The following JAKMIP1 variants were observed in gnomAD, a reference collection of about 807,000 sequenced individuals.
JAKMIP1 encodes janus kinase and microtubule-interacting protein 1.
In JAKMIP1, 33 loss-of-function variants were observed where a neutral mutation model predicts 113.0. The ratio of observed to expected loss-of-function variants is 0.29; its 90% CI spans 0.22 to 0.39. The LOEUF (loss-of-function observed/expected upper bound fraction) is 0.39. Among genes scored for constraint, JAKMIP1 ranks in the 10% least tolerant of loss-of-function variants. The pLI is 1.00. For synonymous variants in JAKMIP1, 480 were observed against 459.9 expected, an observed-to-expected ratio of 1.04 and a Z score of -0.56; for missense variants, 813 against 1,080.5, an observed-to-expected ratio of 0.75 and a Z score of 3.47.
intron 8 of JAKMIP1, among the ~76,000 whole-genome samples, chr4:6,078,257 G>A: frequency 6.6e-6 from 1 of 151,436 alleles, no homozygotes; most frequent in East Asian, 1.9e-4. Flanking sequence ...GGAGTTTGCA[G>A]TGAGCCGAGA....
At chr4:6,170,081 A>T (rs561521613) in intron 1 of JAKMIP1, among the ~76,000 whole-genome samples, 397 of 3,192 alleles carry the variant, frequency 0.12, 3 homozygotes, top group African/African-American at 0.3. Context: ...TTACCACTCC[A>T]CCACCACCGC....
In JAKMIP1 at chr4:6,084,694, T is replaced by A. The variant is rs545359234; in HGVS notation, c.954+152A>T. On this transcript the variant is annotated intron_variant, in intron 5 of 20. Transcript: ENST00000409021. ...CAGTAAGAGATTTCTTCAATGAGCA[T>A]GTGTTAGATTTTTAATCGAAAAGAA... The A allele has an allele frequency of 5.8e-5, 44 of 753,078 alleles. No homozygotes were observed. In the South Asian group the frequency reaches 1.5e-3, roughly 25 times the overall value. The allele number at this position is 753,078 out of a possible 1,614,324, so 46.6% of individuals were successfully genotyped here.
At position 6,200,538 on chromosome 4, in the gene JAKMIP1, A is replaced by T. The variant is rs1728329242; in HGVS notation, c.-433T>A. The T allele has an allele frequency of 6.7e-6, 1 of 149,290 alleles. No individual in the cohort carries two copies. Among genetic ancestry groups the T allele is most frequent in the African/African-American group, 2.5e-5 (1 of 40,724 alleles). 9.2% of individuals were successfully genotyped at this position (149,290 alleles called of 1,614,324 possible). On this transcript the variant is annotated 5_prime_UTR_variant, in exon 1 of 21. Coordinates refer to ENST00000409021, the MANE Select transcript of JAKMIP1 (RefSeq NM_001099433.2). This position sits in a 1 kb window ranked among gnomAD's most constrained non-coding sequence, Gnocchi z 7.0. ...CGGGCAGGCGGCCGGCGCGTGCCGCACGCGGGTGGCTGCAGCTCCCTCGGT... is the reference window on the plus strand; with the variant it reads ...CGGGCAGGCGGCCGGCGCGTGCCGCTCGCGGGTGGCTGCAGCTCCCTCGGT...
rs369634582 is a variant in JAKMIP1, at chr4:6,065,684, G to A, written c.1303-676C>T. Among the ~76,000 whole-genome samples the A allele has an allele frequency of 1.3e-4, 20 of 152,294 alleles. No homozygotes were observed. Among genetic ancestry groups the A allele is most frequent in the East Asian group, 7.7e-4 (4 of 5,176 alleles). On this transcript the variant is annotated intron_variant, in intron 8 of 20. Coordinates refer to ENST00000409021, the MANE Select transcript of JAKMIP1 (RefSeq NM_001099433.2). The surrounding 1 kb of genome is among the most constrained non-coding windows in gnomAD (Gnocchi z 5.1). ...GGAATCATGTAATAGACCTTCACAC[G>A]ACCATCACTCAGATCCAGAGGCAAA...
In JAKMIP1 at chr4:6,156,251, C is replaced by T. The variant is rs538659625; in HGVS notation, c.-147-43254G>A. 1.3e-5 allele frequency among the ~76,000 whole-genome samples: 2 copies of T among 152,320 alleles called. No individual in the cohort carries two copies. The highest frequency in any genetic ancestry group is 2.9e-5 in the Non-Finnish European group (2 of 68,028). The stretch of plus-strand genomic sequence containing the variant: ...AGTGGCCCGCCAACACAGGAACAAG[C>T]GAATGCCACTGTATCACACTGATCC... On this transcript the variant is annotated intron_variant, in intron 1 of 20. Coordinates refer to ENST00000409021, the MANE Select transcript of JAKMIP1 (RefSeq NM_001099433.2). This position sits in a 1 kb window ranked among gnomAD's most constrained non-coding sequence, Gnocchi z 5.0.
chr4:6,194,741 AC>A lies in JAKMIP1; in HGVS notation c.-148+5511del, dbSNP rs1456243375. ...GCAGTCCCTGGCTGGTGCACACAGAACCCCTTTCATTCCTTAAAGTGGCCCT... is the reference window on the plus strand; with the variant it reads ...GCAGTCCCTGGCTGGTGCACACAGAACCCTTTCATTCCTTAAAGTGGCCCT... On this transcript the variant is annotated intron_variant, in intron 1 of 20. Coordinates refer to ENST00000409021, the MANE Select transcript of JAKMIP1 (RefSeq NM_001099433.2). The surrounding 1 kb of genome is among the most constrained non-coding windows in gnomAD (Gnocchi z 7.4). 3.9e-5 allele frequency: 6 copies of A among 152,020 alleles called. No individual in the cohort carries two copies. Among genetic ancestry groups the A allele is most frequent in the Admixed American group, 3.9e-4 (6 of 15,266 alleles). 9.4% of individuals were successfully genotyped at this position (152,020 alleles called of 1,614,324 possible).
chr4:6,034,428 A>T (rs1014675100), intron 19 of JAKMIP1, among the ~76,000 whole-genome samples: 2 of 152,268 alleles, frequency 1.3e-5, no homozygotes, highest in Admixed American at 6.5e-5. Context: ...GCTGCCCAGA[A>T]TGCCCTTTCC....
At chr4:6,128,318 C>A (rs1403259809) in intron 1 of JAKMIP1, among the ~76,000 whole-genome samples, 5 of 152,192 alleles carry the variant, frequency 3.3e-5, no homozygotes, top group Non-Finnish European at 7.3e-5. Flanking sequence ...CAAGTGGTGT[C>A]TTTCCATGGA....
chr4:6,183,152 A>T lies in JAKMIP1; in HGVS notation c.-148+17101T>A, dbSNP rs1457748893. On this transcript the variant is annotated intron_variant, in intron 1 of 20. Coordinates refer to ENST00000409021, the MANE Select transcript of JAKMIP1 (RefSeq NM_001099433.2). The surrounding 1 kb of genome is among the most constrained non-coding windows in gnomAD (Gnocchi z 5.3). ...CACAGATATCTAGACACACAGATACAGGTGCCCTGCGAAGGGGTGCTGGCT... is the reference window on the plus strand; with the variant it reads ...CACAGATATCTAGACACACAGATACTGGTGCCCTGCGAAGGGGTGCTGGCT... 6.6e-6 allele frequency among the ~76,000 whole-genome samples: 1 copy of T among 152,216 alleles called. No individual in the cohort carries two copies. Among genetic ancestry groups the T allele is most frequent in the Non-Finnish European group, 1.5e-5 (1 of 68,040 alleles).
intron 1 of JAKMIP1, among the ~76,000 whole-genome samples, chr4:6,127,175 G>A (rs372202774): frequency 3.2e-4 from 49 of 152,286 alleles, no homozygotes; most frequent in African/African-American, 1.1e-3. Context: ...AGCCTGGCAC[G>A]TCGCCTGGCC....
chr4:6,121,720 G>C (rs1716750045), intron 1 of JAKMIP1, among the ~76,000 whole-genome samples: 1 of 152,198 alleles, frequency 6.6e-6, no homozygotes, highest in Admixed American at 6.5e-5. Context: ...TTAAACAGAG[G>C]AACCAGATCT....
chr4:6,052,627 G>A (rs956554699), intron 13 of JAKMIP1, among the ~76,000 whole-genome samples: 6 of 147,100 alleles, frequency 4.1e-5, no homozygotes, highest in South Asian at 2.2e-4. Flanking sequence ...CTCCAGCCTG[G>A]GTGACAGAGC....
At chr4:6,092,998 C>T (rs1204747926) in intron 3 of JAKMIP1, among the ~76,000 whole-genome samples, 1 of 152,186 alleles carries the variant, frequency 6.6e-6, no homozygotes, top group Non-Finnish European at 1.5e-5. Context: ...TTGTATTTTA[C>T]TGGGAATCCA....
chr4:6,092,433 G>A (rs535375222), intron 3 of JAKMIP1, among the ~76,000 whole-genome samples: 122 of 152,338 alleles, frequency 8.0e-4, no homozygotes, highest in African/African-American at 2.7e-3. Context: ...ACCTGCAGCC[G>A]CAGGCTCCCC....
chr4:6,077,482 C>CT (rs34339999), intron 8 of JAKMIP1, among the ~76,000 whole-genome samples: 30 of 81,524 alleles, frequency 3.7e-4, no homozygotes, highest in East Asian at 1.9e-3. Context: ...ATTTCCTTTC[C>CT]TTTTTTTTTT....
intron 8 of JAKMIP1, among the ~76,000 whole-genome samples, chr4:6,078,101 T>C (rs1719938665): frequency 1.3e-5 from 2 of 151,996 alleles, no homozygotes. Flanking sequence ...TTGTGTTCAA[T>C]AAAAAGGAGA....
intron 16 of JAKMIP1, among the ~76,000 whole-genome samples, chr4:6,047,449 C>T (rs1257308099): frequency 6.6e-6 from 1 of 152,220 alleles, no homozygotes; most frequent in African/African-American, 2.4e-5. Flanking sequence ...ATGTGCCCCG[C>T]CCCGTGCCTG....
chr4:6,053,547 G>A (rs1043652647), intron 13 of JAKMIP1, among the ~76,000 whole-genome samples: 11 of 152,104 alleles, frequency 7.2e-5, no homozygotes, highest in African/African-American at 2.7e-4. Flanking sequence ...GCCCAAACTG[G>A]CATTAAACAC....
chr4:6,050,504 C>T lies in JAKMIP1; in HGVS notation c.1908+74G>A, dbSNP rs1715525052. On this transcript the variant is annotated intron_variant, in intron 14 of 20. Transcript: ENST00000409021. The surrounding 1 kb of genome is among the most constrained non-coding windows in gnomAD (Gnocchi z 7.4). Reference sequence around the variant, plus strand: ...AAAATCAATTCTATCCCAGCACTCCCCCTTTGCAGCTGAGCCGGGCACTGA... The same window carrying T: ...AAAATCAATTCTATCCCAGCACTCCTCCTTTGCAGCTGAGCCGGGCACTGA... The T allele has an allele frequency of 2.0e-6, 2 of 995,666 alleles. No homozygotes were observed. The highest frequency in any genetic ancestry group is 3.1e-6 in the Non-Finnish European group (2 of 654,788). The allele number at this position is 995,666 out of a possible 1,614,324, so 61.7% of individuals were successfully genotyped here.
Sources: allele counts gnomAD v4.1 joint callset (sites outside exome capture counted in the v4.1 genomes callset), GRCh38; gene constraint gnomAD v4.1.1; non-coding constraint Gnocchi (gnomAD v3.1); transcripts MANE v1.5; gene names NCBI Gene and HGNC (gene_info 2026-07-23, HGNC 2026-07-21).